Variants in LRRC40 observed in about 807,000 individuals in gnomAD.
The protein encoded by LRRC40 is leucine-rich repeat-containing protein 40.
A neutral mutation model predicts 72.8 loss-of-function variants in LRRC40; 76 were observed. The ratio of observed to expected loss-of-function variants is 1.04; its 90% confidence interval spans 0.87 to 1.26. The LOEUF (loss-of-function observed/expected upper bound fraction) is 1.26, where lower values mean the gene tolerates loss of function less well. Ranked by LOEUF, LRRC40 falls within the 50% of genes most tolerant of loss-of-function variation. The pLI is 0.00. For missense variants in LRRC40, 684 were observed against 698.9 expected (o/e 0.98, Z 0.24); for synonymous variants, 243 against 254.2 (o/e 0.96, Z 0.42).
chr1:70,189,410 A>T (rs1000561013), intron 1 of LRRC40, 137 bp from the exon 2 acceptor site: 23 of 696,040 alleles, frequency 3.3e-5, no homozygotes, highest in Non-Finnish European at 4.8e-5. Context: ...ACAAAAAATA[A>T]GTTAAATAGC....
chr1:70,160,634 A>T (rs1187441569), intron 9 of LRRC40, among the ~76,000 whole-genome samples: 1 of 152,128 alleles, frequency 6.6e-6, no homozygotes, highest in Non-Finnish European at 1.5e-5. Context: ...TAAAATATCT[A>T]TGTATACTAC....
At chr1:70,164,921 G>A (rs1667849131) in intron 9 of LRRC40, among the ~76,000 whole-genome samples, 1 of 152,148 alleles carries the variant, frequency 6.6e-6, no homozygotes, top group Admixed American at 6.5e-5. Flanking sequence ...AGGATTATTT[G>A]AAAGTCTGTG....
chr1:70,189,278 T>A lies in LRRC40; in HGVS notation c.152-5A>T. The A allele has an allele frequency of 6.4e-7, 1 of 1,563,294 alleles. No homozygotes were observed. On this transcript the variant is annotated splice_polypyrimidine_tract_variant and splice_region_variant and intron_variant, in intron 1 of 14. Coordinates refer to ENST00000370952, the MANE Select transcript of LRRC40 (RefSeq NM_017768.5). The stretch of plus-strand genomic sequence containing the variant: ...TTCTCCAGACACACTGCGGCACTAG[T>A]TCCATCAGCACCACACCAGGAAAAA...
intron 1 of LRRC40, among the ~76,000 whole-genome samples, chr1:70,195,316 C>T (rs1251338812): frequency 2.0e-5 from 3 of 150,182 alleles, no homozygotes; most frequent in East Asian, 1.9e-4. Flanking sequence ...ATATCTGAGA[C>T]GGAATTGTAT....
At chr1:70,184,140 T>C (rs954174232) in intron 4 of LRRC40, among the ~76,000 whole-genome samples, 4 of 151,920 alleles carry the variant, frequency 2.6e-5, no homozygotes, top group African/African-American at 9.7e-5. Context: ...TCCCAGCTAC[T>C]TGGGAGGCTG....
At chr1:70,153,984 A>G (rs1667577625) in intron 11 of LRRC40, among the ~76,000 whole-genome samples, 1 of 149,224 alleles carries the variant, frequency 6.7e-6, no homozygotes, top group African/African-American at 2.4e-5. Flanking sequence ...AAAAAAAAAA[A>G]AAAAAAAAAA....
intron 13 of LRRC40, 67 bp downstream of exon 13, chr1:70,151,061 G>A: frequency 1.1e-6 from 1 of 903,672 alleles, no homozygotes; most frequent in Non-Finnish European, 1.7e-6. Flanking sequence ...TTTGGCTTTT[G>A]TTTTCTCCAA....
intron 11 of LRRC40, among the ~76,000 whole-genome samples, chr1:70,152,833 C>T (rs923107718): frequency 7.2e-5 from 11 of 151,938 alleles, no homozygotes; most frequent in Non-Finnish European, 1.5e-4. Context: ...AACTATGGCA[C>T]GAAGGAGAAA....
At position 70,160,291 on chromosome 1, in the gene LRRC40, A is replaced by G. The variant is rs1310504838; in HGVS notation, c.1112-853T>C. Among the ~76,000 whole-genome samples the G allele has an allele frequency of 3.3e-5, 5 of 152,220 alleles. No homozygotes were observed. The East Asian group carries it at 9.6e-4, about 29-fold the overall frequency. On this transcript the variant is annotated intron_variant, in intron 9 of 14. Coordinates refer to ENST00000370952, the MANE Select transcript of LRRC40 (RefSeq NM_017768.5). ...CTGATCTTGCTTCAGCCCAGTAGGCATTCAATAAACATTTGTTGAATATTA... is the reference window on the plus strand; with the variant it reads ...CTGATCTTGCTTCAGCCCAGTAGGCGTTCAATAAACATTTGTTGAATATTA...
chr1:70,167,230 TAAAAA>T (rs376215808), intron 9 of LRRC40, among the ~76,000 whole-genome samples: 4 of 126,938 alleles, frequency 3.2e-5, no homozygotes, highest in East Asian at 2.2e-4. Flanking sequence ...TAAAAAGTGT[TAAAAA>T]AAAAAAAAAA....
chr1:70,159,949 T>G (rs997316562), intron 9 of LRRC40, among the ~76,000 whole-genome samples: 1 of 152,226 alleles, frequency 6.6e-6, no homozygotes, highest in Admixed American at 6.5e-5. Flanking sequence ...AAGATTTTTT[T>G]CTTAACAAAT....
chr1:70,198,466 G>A (rs537454933), intron 1 of LRRC40, among the ~76,000 whole-genome samples: 14 of 152,148 alleles, frequency 9.2e-5, no homozygotes, highest in South Asian at 2.1e-4. Context: ...GGAAAGCAAC[G>A]ATCAACACCT....
At position 70,189,192 on chromosome 1, in the gene LRRC40, C is replaced by T. The variant is rs1361402746; in HGVS notation, c.233G>A (p.Trp78Ter). The T allele has an allele frequency of 6.2e-7, 1 of 1,613,082 alleles. No homozygotes were observed. Among genetic ancestry groups the T allele is most frequent in the Non-Finnish European group, 8.5e-7 (1 of 1,179,830 alleles). The change falls in exon 2 of 15, where the codon TGG becomes TAG. Residue 78 changes from tryptophan (W) to a stop codon, truncating the protein, a stop_gained. Coordinates refer to ENST00000370952, the MANE Select transcript of LRRC40 (RefSeq NM_017768.5). LOFTEE classifies it high-confidence loss of function. ...QNLSFGATER[W>*]WEQTDLTKLI... ...TTTGGTCAAATCTGTCTGCTCCCAC[C>T]ATCTTTCAGTAGCACCAAACGAAAG...
chr1:70,161,649 G>A (rs1311388937), intron 9 of LRRC40, among the ~76,000 whole-genome samples: 1 of 151,956 alleles, frequency 6.6e-6, no homozygotes, highest in Non-Finnish European at 1.5e-5. Flanking sequence ...GTGTCACCTA[G>A]AACGAAGTCT....
chr1:70,170,906 G>T (rs763797855), intron 9 of LRRC40, among the ~76,000 whole-genome samples: 19 of 152,010 alleles, frequency 1.2e-4, no homozygotes, highest in Non-Finnish European at 1.3e-4. Flanking sequence ...GAAACAAGAG[G>T]AGCCCTCCTA....
rs1346171428 is a variant in LRRC40 at position 70,178,867 on chromosome 1, G to A, written c.788C>T (p.Ser263Phe). The A allele has an allele frequency of 6.3e-7, 1 of 1,592,564 alleles. No individual in the cohort carries two copies. ...NKLRFLPEFP[S>F]CSLLKELHVG... ...AAATAGTACCTTCAATAGACTACAAGAAGGAAATTCTGGTAGAAAACGTAA... is the reference window on the plus strand; with the variant it reads ...AAATAGTACCTTCAATAGACTACAAAAAGGAAATTCTGGTAGAAAACGTAA... The change falls in exon 6 of 15, where the codon TCT becomes TTT. Residue 263 changes from serine (S) to phenylalanine (F), a missense_variant. Ser to Phe is a radical substitution (Grantham distance 155, BLOSUM62 -2). Transcript: ENST00000370952.
Position 70,145,749 on chromosome 1 carries a change from G to T in LRRC40, c.*51C>A. 1 of 924,890 alleles carries T rather than the reference G, an allele frequency of 1.1e-6. No homozygotes were observed. The highest frequency in any genetic ancestry group is 1.7e-6 in the Non-Finnish European group (1 of 576,040). 57.3% of individuals were successfully genotyped at this position (924,890 alleles called of 1,614,324 possible). A position where few individuals can be genotyped will look rare whatever the true frequency, so the allele number is the denominator to read the frequency against. ...TAAAACAAATGTTACATCCTCCTTA[G>T]AATTAACCAGGGTTAATAATACATG... On this transcript the variant is annotated 3_prime_UTR_variant, in exon 15 of 15. Transcript: ENST00000370952.
chr1:70,179,036 A>G, intron 5 of LRRC40, 43 bp from the exon 6 acceptor site: 1 of 1,323,208 alleles, frequency 7.6e-7, no homozygotes. Flanking sequence ...GAGAAAAAAA[A>G]ATTAGTTTCT....
intron 7 of LRRC40, among the ~76,000 whole-genome samples, chr1:70,175,513 AT>A (rs1668083533): frequency 6.6e-6 from 1 of 152,128 alleles, no homozygotes; most frequent in Non-Finnish European, 1.5e-5. Flanking sequence ...CGTTCTTAGA[AT>A]TTAGTTCTAG....
Sources: allele counts gnomAD v4.1 joint callset (sites outside exome capture counted in the v4.1 genomes callset), GRCh38; gene constraint gnomAD v4.1.1; transcripts MANE v1.5; gene names NCBI Gene and HGNC (gene_info 2026-07-23, HGNC 2026-07-21).